SLFN11: variants seen among roughly 807,000 people sequenced by gnomAD.
SLFN11 encodes schlafen family member 11.
In SLFN11, 43 loss-of-function variants were observed where a neutral mutation model predicts 53.4. That is an observed-to-expected ratio of 0.80 (90% confidence interval 0.63 to 1.04). The LOEUF is 1.04. SLFN11 is among the 50% of genes least tolerant of loss of function. The pLI, the probability that SLFN11 is intolerant of heterozygous loss-of-function variation, is 0.00. For synonymous variants in SLFN11, 389 were observed against 394.7 expected, an observed-to-expected ratio of 0.99 and a Z score of 0.17; for missense variants, 990 against 1,079.1, an observed-to-expected ratio of 0.92 and a Z score of 1.16.
At chr17:35,356,821 C>CAG (rs893791911) in intron 5 of SLFN11, among the ~76,000 whole-genome samples, 10 of 151,634 alleles carry the variant, frequency 6.6e-5, no homozygotes, top group African/African-American at 2.4e-4. Flanking sequence ...CACACACACA[C>CAG]ACACACACAC....
rs773102148 is a variant in SLFN11, at chr17:35,363,339, T to C, written c.469A>G (p.Lys157Glu). The C allele has an allele frequency of 9.9e-6, 16 of 1,613,912 alleles. No individual in the cohort carries two copies. Among genetic ancestry groups the C allele is most frequent in the Non-Finnish European group, 1.3e-5 (15 of 1,179,988 alleles). Residue 157 changes from lysine to glutamate, a missense_variant, in exon 4 of 7, where the codon AAG becomes GAG. Physicochemically the swap from Lys to Glu is moderately conservative, Grantham distance 56. Around this residue, in one of 3 missense-constraint regions of SLFN11, gnomAD observed 521 missense variants for 516.2 expected, o/e 1.01. Coordinates refer to ENST00000685675, the MANE Select transcript of SLFN11 (RefSeq NM_001376007.1). Reference sequence around the variant, plus strand: ...GGTCCTTCTTCCAAGATTTTTGGCTTCCTTTTGGTCTTCAGGAAACAGAAT... The same window carrying C: ...GGTCCTTCTTCCAAGATTTTTGGCTCCCTTTTGGTCTTCAGGAAACAGAAT... ...EAFCFLKTKRKPKILEEGPFH... is the reference protein window; with the variant it reads ...EAFCFLKTKREPKILEEGPFH...
chr17:35,362,656 T>A, intron 4 of SLFN11, 83 bp downstream of exon 4: 1 of 1,117,280 alleles, frequency 9.0e-7, no homozygotes, highest in South Asian at 1.8e-5. Flanking sequence ...ATGTTCAAAG[T>A]CATAGGCAGC....
intron 5 of SLFN11, among the ~76,000 whole-genome samples, chr17:35,357,956 C>T (rs2141947833): frequency 7.1e-6 from 1 of 141,286 alleles, no homozygotes; most frequent in African/African-American, 2.6e-5. Context: ...AGATAGCTTC[C>T]CTTGTTTTTC....
chr17:35,364,639 A>G (rs1249305387), intron 3 of SLFN11, among the ~76,000 whole-genome samples: 1 of 152,190 alleles, frequency 6.6e-6, no homozygotes, highest in Non-Finnish European at 1.5e-5. Flanking sequence ...TCCACTTGTC[A>G]TTAAAAGTAT....
Position 35,360,329 on chromosome 17 carries a change from A to G in SLFN11, c.1112T>C (p.Leu371Pro), listed in dbSNP as rs1482837909. The change falls in exon 5 of 7, where the codon CTA becomes CCA. Residue 371 changes from leucine to proline, a missense_variant. Coordinates refer to ENST00000685675, the MANE Select transcript of SLFN11 (RefSeq NM_001376007.1). ...LSEDFECQLS[L>P]SSGPPLSRPV... ...TCTGCTAAGGGGAGGCCCACTAGATAGACTCAGCTGACATTCAAAATCTTC... is the reference window on the plus strand; with the variant it reads ...TCTGCTAAGGGGAGGCCCACTAGATGGACTCAGCTGACATTCAAAATCTTC... The G allele has an allele frequency of 1.2e-6, 2 of 1,610,090 alleles. No homozygotes were observed. Among genetic ancestry groups the G allele is most frequent in the African/African-American group, 1.3e-5 (1 of 74,304 alleles).
intron 1 of SLFN11, among the ~76,000 whole-genome samples, chr17:35,372,238 C>T (rs972755851): frequency 6.6e-6 from 1 of 152,084 alleles, no homozygotes; most frequent in African/African-American, 2.4e-5. Context: ...ACAAACATCA[C>T]ATGTTCTCAC....
chr17:35,365,972 G>T (rs965839948), intron 3 of SLFN11, among the ~76,000 whole-genome samples: 23 of 152,116 alleles, frequency 1.5e-4, no homozygotes, highest in African/African-American at 5.1e-4. Flanking sequence ...ATACAATGCT[G>T]TAAGTTCAGA....
chr17:35,353,121 T>G lies in SLFN11; in HGVS notation c.1941A>C (p.Arg647=), dbSNP rs759024205. 4.3e-6 allele frequency: 7 copies of G among 1,613,484 alleles called. No homozygotes were observed. The Admixed American group carries it at 1.2e-4, about 27-fold the overall frequency. ...RNFISDRNIC[R]AETRKTFLRE... ...TTAGGAAAGTTTTCCGGGTCTCTGC[T>G]CGGCAGATATTTCTATCACTGTAAA... The change falls in exon 7 of 7, where the codon CGA becomes CGC. Residue 647 remains arginine (R), a synonymous_variant. Coordinates refer to ENST00000685675, the MANE Select transcript of SLFN11 (RefSeq NM_001376007.1).
chr17:35,353,212 C>T (rs1317170124), intron 6 of SLFN11, 73 bp from the exon 7 acceptor site: 1 of 1,590,806 alleles, frequency 6.3e-7, no homozygotes, highest in Admixed American at 1.8e-5. Flanking sequence ...TATCATGTTC[C>T]TCCGAGCACA....
In SLFN11 at chr17:35,353,594, A is replaced by T; in HGVS notation, c.1664T>A (p.Val555Glu). 8.4e-7 allele frequency: 1 copy of T among 1,184,124 alleles called. No individual in the cohort carries two copies. The highest frequency in any genetic ancestry group is 1.7e-5 in the African/African-American group (1 of 57,412). 73.4% of individuals were successfully genotyped at this position (1,184,124 alleles called of 1,614,324 possible). ...AGACCTGAAGCCGAGTAAGACAATCACGAGGGACTGCAGCAGGGCTTCCAT... is the reference window on the plus strand; with the variant it reads ...AGACCTGAAGCCGAGTAAGACAATCTCGAGGGACTGCAGCAGGGCTTCCAT... ...QHMEALLQSL[V>E]IVLLGFRSLL... The change falls in exon 6 of 7, where the codon GTG becomes GAG. Residue 555 changes from valine (V) to glutamate (E), a missense_variant. By Grantham distance (121) the Val-to-Glu change is moderately radical. Coordinates refer to ENST00000685675, the MANE Select transcript of SLFN11 (RefSeq NM_001376007.1).
chr17:35,366,790 G>A (rs1166113673), intron 3 of SLFN11, among the ~76,000 whole-genome samples, 157 bp downstream of exon 3: 1 of 152,044 alleles, frequency 6.6e-6, no homozygotes. Flanking sequence ...GTGAAGGCTG[G>A]GCCGGGTTTG....
rs897111202 is a variant in SLFN11, at chr17:35,360,464, A to G, written c.1070-93T>C. The G allele has an allele frequency of 2.5e-6, 3 of 1,196,650 alleles. No homozygotes were observed. In the African/African-American group the frequency reaches 4.8e-5, roughly 19 times the overall value. 74.1% of individuals were successfully genotyped at this position (1,196,650 alleles called of 1,614,324 possible). Reference sequence around the variant, plus strand: ...AGGTGGAATGTGTGACTTTCTAAATAGTTTGACTTGAGAGATAATATCAAA... The same window carrying G: ...AGGTGGAATGTGTGACTTTCTAAATGGTTTGACTTGAGAGATAATATCAAA... On this transcript the variant is annotated intron_variant, in intron 4 of 6. Coordinates refer to ENST00000685675, the MANE Select transcript of SLFN11 (RefSeq NM_001376007.1).
intron 5 of SLFN11, among the ~76,000 whole-genome samples, chr17:35,355,352 A>G (rs1907326608): frequency 6.6e-6 from 1 of 152,068 alleles, no homozygotes; most frequent in Admixed American, 6.5e-5. Context: ...GTGAGCTATG[A>G]CTGCACCACT....
chr17:35,356,488 T>G (rs559504000), intron 5 of SLFN11, among the ~76,000 whole-genome samples: 2 of 152,246 alleles, frequency 1.3e-5, no homozygotes, highest in Non-Finnish European at 2.9e-5. Flanking sequence ...TTCTTGCCTA[T>G]TCTTCCGAAA....
At position 35,363,606 on chromosome 17, in the gene SLFN11, C is replaced by A. The variant is rs755119059; in HGVS notation, c.202G>T (p.Glu68Ter). Residue 68 changes from glutamate (E) to a stop codon, truncating the protein, a stop_gained, in exon 4 of 7, where the codon GAG becomes TAG. Transcript: ENST00000685675. LOFTEE classifies it high-confidence loss of function. ...TCCAGTCCCATCTCCACGGGATGCT[C>A]AACCTTCTTGGCCATTCGAATCACT... Reference protein sequence around the residue: ...GGVIRMAKKVEHPVEMGLDLE... With the variant: ...GGVIRMAKKV 29 of 1,613,780 alleles carry A rather than the reference C, an allele frequency of 1.8e-5. 1 individual carries two copies. The South Asian group carries it at 3.1e-4, about 17-fold the overall frequency.
Position 35,362,720 on chromosome 17 carries a change from G to A in SLFN11, c.1069+19C>T. The A allele has an allele frequency of 6.6e-7, 1 of 1,519,774 alleles. No homozygotes were observed. The highest frequency in any genetic ancestry group is 8.8e-7 in the Non-Finnish European group (1 of 1,134,386). 94.1% of individuals were successfully genotyped at this position (1,519,774 alleles called of 1,614,324 possible). A position where few individuals can be genotyped will look rare whatever the true frequency, so the allele number is the denominator to read the frequency against. Reference sequence around the variant, plus strand: ...AGGATGTAGAAAGGACAGGGAGGGAGGAGCTTTCTCCCTCTTACCTGGATC... The same window carrying A: ...AGGATGTAGAAAGGACAGGGAGGGAAGAGCTTTCTCCCTCTTACCTGGATC... On this transcript the variant is annotated intron_variant, in intron 4 of 6. Coordinates refer to ENST00000685675, the MANE Select transcript of SLFN11 (RefSeq NM_001376007.1).
At position 35,362,780 on chromosome 17, in the gene SLFN11, G is replaced by C; in HGVS notation, c.1028C>G (p.Thr343Arg). The change falls in exon 4 of 7, where the codon ACA becomes AGA. Residue 343 changes from threonine to arginine, a missense_variant. Transcript: ENST00000685675. ...IVEDKYVCSLTTEKWVGMMTD... is the reference protein window; with the variant it reads ...IVEDKYVCSLRTEKWVGMMTD... Reference sequence around the variant, plus strand: ...CATCATGCCTACCCATTTCTCGGTTGTCAGGCTGCAGACGTACTTGTCCTC... The same window carrying C: ...CATCATGCCTACCCATTTCTCGGTTCTCAGGCTGCAGACGTACTTGTCCTC... 1 of 1,594,864 alleles carries C rather than the reference G, an allele frequency of 6.3e-7. No homozygotes were observed. Among genetic ancestry groups the C allele is most frequent in the Non-Finnish European group, 8.5e-7 (1 of 1,171,220 alleles).
chr17:35,364,820 A>C (rs538471867), intron 3 of SLFN11, among the ~76,000 whole-genome samples: 1 of 152,270 alleles, frequency 6.6e-6, no homozygotes, highest in South Asian at 2.1e-4. Context: ...AATCTATATT[A>C]ATTGTCCATT....
chr17:35,360,091 C>T (rs530363575), intron 5 of SLFN11, 152 bp downstream of exon 5: 26 of 747,784 alleles, frequency 3.5e-5, no homozygotes, highest in African/African-American at 1.1e-4. Flanking sequence ...CATTTCTAAA[C>T]CACTTATCAC....
Sources: gnomAD v4.1 joint callset for allele counts (sites outside exome capture counted in the v4.1 genomes callset) on GRCh38, gnomAD v4.1.1 for gene constraint, gnomAD v4.1.1 regional missense constraint, MANE v1.5 for transcripts, NCBI Gene and HGNC (gene_info 2026-07-23, HGNC 2026-07-21) for gene names.